The following RAB3B variants were observed in gnomAD, a reference collection of about 807,000 sequenced individuals.
The protein encoded by RAB3B is ras-related protein Rab-3B.
A neutral mutation model predicts 20.5 loss-of-function variants in RAB3B; 11 were observed. That is an observed-to-expected ratio of 0.54 (90% CI 0.34 to 0.89). RAB3B has a LOEUF of 0.89. Among genes scored for constraint, RAB3B ranks in the 40% least tolerant of loss-of-function variants. The probability of loss-of-function intolerance (pLI) is 0.02; values close to 1 mark genes in which losing one functional copy is unlikely to be tolerated. For missense variants in RAB3B, 225 were observed against 280.9 expected, an observed-to-expected ratio of 0.80 and a Z score of 1.42; for synonymous variants, 99 against 106.3, an observed-to-expected ratio of 0.93 and a Z score of 0.42.
In RAB3B at chr1:51,933,319, A is replaced by C; in HGVS notation, c.471T>G (p.Leu157=). ...TEKGQLLAEQ[L]GFDFFEASAK... is the part of the protein sequence containing the mutation. ...CACATACATGTGTCATGTACATACC[A>C]AGCTGCTCTGCAAGGAGCTGGCCCT... The change falls in exon 4 of 5, where the codon CTT becomes CTG. Residue 157 remains leucine, a splice_region_variant and synonymous_variant. Coordinates refer to ENST00000371655, the MANE Select transcript of RAB3B (RefSeq NM_002867.4). The C allele has an allele frequency of 6.2e-7, 1 of 1,613,786 alleles. No homozygotes were observed. Among genetic ancestry groups the C allele is most frequent in the South Asian group, 1.1e-5 (1 of 91,026 alleles).
intron 2 of RAB3B, among the ~76,000 whole-genome samples, chr1:51,975,621 T>A (rs1169457052): frequency 1.3e-5 from 2 of 152,152 alleles, no homozygotes; most frequent in African/African-American, 4.8e-5. Flanking sequence ...GTGAAGACAC[T>A]CTAAGAGGCC....
intron 2 of RAB3B, among the ~76,000 whole-genome samples, chr1:51,955,564 T>G (rs1684696941): frequency 6.6e-6 from 1 of 152,088 alleles, no homozygotes; most frequent in African/African-American, 2.4e-5. Flanking sequence ...GCTACCCAGC[T>G]AATGTTTATG....
chr1:51,986,905 G>A (rs921783601), intron 1 of RAB3B, among the ~76,000 whole-genome samples: 1 of 152,252 alleles, frequency 6.6e-6, no homozygotes, highest in African/African-American at 2.4e-5. Context: ...GATCTAAGCA[G>A]ACAGGTCATG....
intron 4 of RAB3B, among the ~76,000 whole-genome samples, chr1:51,921,386 TGA>T (rs1408076136): frequency 6.6e-6 from 1 of 152,214 alleles, no homozygotes; most frequent in East Asian, 1.9e-4. Context: ...AATGAGAATA[TGA>T]GAGACTGCAT....
intron 3 of RAB3B, among the ~76,000 whole-genome samples, 192 bp from the exon 4 acceptor site, chr1:51,933,634 T>C (rs915718577): frequency 6.6e-6 from 1 of 152,122 alleles, no homozygotes; most frequent in African/African-American, 2.4e-5. Context: ...AGAAAGAGGC[T>C]AGAGCCCTCT....
At chr1:51,967,121 T>C (rs1462222515) in intron 2 of RAB3B, among the ~76,000 whole-genome samples, 2 of 152,138 alleles carry the variant, frequency 1.3e-5, no homozygotes, top group African/African-American at 4.8e-5. Context: ...GAAACCAGCC[T>C]GGCCAACGTG....
rs1236218006 is a variant in RAB3B, at chr1:51,914,780, A to G, written c.*5147T>C. Reference sequence around the variant, plus strand: ...TCAATGAGATCCCAGGACACTGGTTATTGTAGTTCTTTCCCCTTCCCCTAA... The same window carrying G: ...TCAATGAGATCCCAGGACACTGGTTGTTGTAGTTCTTTCCCCTTCCCCTAA... On this transcript the variant is annotated 3_prime_UTR_variant, in exon 5 of 5. Transcript: ENST00000371655. 2.6e-5 allele frequency: 4 copies of G among 152,150 alleles called. No individual in the cohort carries two copies. Among genetic ancestry groups the G allele is most frequent in the African/African-American group, 9.7e-5 (4 of 41,430 alleles). The allele number at this position is 152,150 out of a possible 1,614,324, so 9.4% of individuals were successfully genotyped here.
chr1:51,917,160 ATG>A lies in RAB3B; in HGVS notation c.*2765_*2766del, dbSNP rs1245462874. On this transcript the variant is annotated 3_prime_UTR_variant, in exon 5 of 5. Transcript: ENST00000371655. ...CTCACTATAGTGCCTCCCTCACAAGATGTTGGGAAGATAAATGAGTTAATGCA... is the reference window on the plus strand; with the variant it reads ...CTCACTATAGTGCCTCCCTCACAAGATTGGGAAGATAAATGAGTTAATGCA... 4.6e-5 allele frequency: 7 copies of A among 152,162 alleles called. No homozygotes were observed. Among genetic ancestry groups the A allele is most frequent in the Non-Finnish European group, 8.8e-5 (6 of 68,042 alleles). 9.4% of individuals were successfully genotyped at this position (152,162 alleles called of 1,614,324 possible). A position where few individuals can be genotyped will look rare whatever the true frequency, so the allele number is the denominator to read the frequency against.
At position 51,909,181 on chromosome 1, in the gene RAB3B, G is replaced by A. The variant is rs1264474839; in HGVS notation, c.*10746C>T. On this transcript the variant is annotated 3_prime_UTR_variant, in exon 5 of 5. Transcript: ENST00000371655. ...TTTCTAGATGAGGTTAGGTTCCTGG[G>A]ACAGGAGTGTGTATTGAGGTGGAGG... 1.3e-5 allele frequency: 2 copies of A among 152,128 alleles called. No individual in the cohort carries two copies. The highest frequency in any genetic ancestry group is 2.1e-4 in the South Asian group (1 of 4,832). 9.4% of individuals were successfully genotyped at this position (152,128 alleles called of 1,614,324 possible).
intron 1 of RAB3B, among the ~76,000 whole-genome samples, chr1:51,977,420 C>T (rs1571979910): frequency 6.6e-6 from 1 of 152,152 alleles, no homozygotes; most frequent in East Asian, 1.9e-4. Flanking sequence ...TGCCTGACCT[C>T]TAGGTGGACA....
intron 2 of RAB3B, among the ~76,000 whole-genome samples, chr1:51,961,834 G>A (rs1187595392): frequency 1.3e-5 from 2 of 151,906 alleles, no homozygotes; most frequent in African/African-American, 2.4e-5. Flanking sequence ...GAAGTGGGGC[G>A]ATCTCGGCTC....
Position 51,976,937 on chromosome 1 carries a change from C to G in RAB3B, c.181G>C (p.Val61Leu), listed in dbSNP as rs777028192. 20 of 1,614,202 alleles carry G rather than the reference C, an allele frequency of 1.2e-5. No individual in the cohort carries two copies. Among genetic ancestry groups the G allele is most frequent in the Non-Finnish European group, 1.6e-5 (19 of 1,180,048 alleles). The change falls in exon 2 of 5, where the codon GTG becomes CTG. Residue 61 changes from valine (V) to leucine (L), a missense_variant. Transcript: ENST00000371655. ...TTCTCGTGACGGTAGACTGTCTTCACCTTGAAGTCGATGCCCACGGTGCTA... is the reference window on the plus strand; with the variant it reads ...TTCTCGTGACGGTAGACTGTCTTCAGCTTGAAGTCGATGCCCACGGTGCTA... The part of the protein sequence containing the change: ...FVSTVGIDFK[V>L]KTVYRHEKRV...
Position 51,976,947 on chromosome 1 carries a change from G to T in RAB3B, c.171C>A (p.Ile57=). Residue 57 remains isoleucine, a synonymous_variant, in exon 2 of 5, where the codon ATC becomes ATA. Transcript: ENST00000371655. ...FTPAFVSTVG[I]DFKVKTVYRH... is the part of the protein sequence containing the mutation. ...GGTAGACTGTCTTCACCTTGAAGTC[G>T]ATGCCCACGGTGCTAACGAAGGCTG... 1 of 1,614,186 alleles carries T rather than the reference G, an allele frequency of 6.2e-7. No homozygotes were observed. Among genetic ancestry groups the T allele is most frequent in the Non-Finnish European group, 8.5e-7 (1 of 1,180,042 alleles).
chr1:51,985,170 G>A (rs766591879), intron 1 of RAB3B, among the ~76,000 whole-genome samples: 11 of 152,160 alleles, frequency 7.2e-5, no homozygotes, highest in Non-Finnish European at 1.5e-4. Flanking sequence ...GCCCATGGAG[G>A]TACTGAATAC....
chr1:51,965,229 AAAAG>A (rs1456665831), intron 2 of RAB3B, among the ~76,000 whole-genome samples: 1 of 152,056 alleles, frequency 6.6e-6, no homozygotes, highest in African/African-American at 2.4e-5. Flanking sequence ...CAAAAAAAAA[AAAAG>A]AAACGAAAAA....
intron 1 of RAB3B, among the ~76,000 whole-genome samples, chr1:51,987,648 C>T (rs1311363562): frequency 1.3e-5 from 2 of 152,044 alleles, no homozygotes; most frequent in African/African-American, 4.8e-5. Context: ...AGACAGTTTC[C>T]TCATTCATAA....
At chr1:51,938,721 G>C (rs1684448312) in intron 2 of RAB3B, among the ~76,000 whole-genome samples, 1 of 150,838 alleles carries the variant, frequency 6.6e-6, no homozygotes, top group South Asian at 2.1e-4. Context: ...TGTGGCCCAG[G>C]CTGGAGTGCA....
chr1:51,945,410 G>C (rs546881119), intron 2 of RAB3B, among the ~76,000 whole-genome samples: 1 of 152,272 alleles, frequency 6.6e-6, no homozygotes, highest in East Asian at 1.9e-4. Context: ...GACTACTACA[G>C]TATAAACGTG....
rs1684014729 is a variant in RAB3B, at chr1:51,912,535, T to C, written c.*7392A>G. 1.5e-5 allele frequency: 1 copy of C among 67,972 alleles called. No individual in the cohort carries two copies. The highest frequency in any genetic ancestry group is 6.7e-5 in the African/African-American group (1 of 15,030). The allele number at this position is 67,972 out of a possible 1,614,324, so 4.2% of individuals were successfully genotyped here. ...CAGCTTGGGCAACATAGCAAGACCGTCTCTATTAAAAAAAAAAAAATATAT... is the reference window on the plus strand; with the variant it reads ...CAGCTTGGGCAACATAGCAAGACCGCCTCTATTAAAAAAAAAAAAATATAT... On this transcript the variant is annotated 3_prime_UTR_variant, in exon 5 of 5. Transcript: ENST00000371655.
Sources: gnomAD v4.1 joint callset for allele counts (sites outside exome capture counted in the v4.1 genomes callset) on GRCh38, gnomAD v4.1.1 for gene constraint, MANE v1.5 for transcripts, NCBI Gene and HGNC (gene_info 2026-07-23, HGNC 2026-07-21) for gene names.